The following BRINP1 variants were observed in gnomAD, a reference collection of about 807,000 sequenced individuals.
BRINP1 encodes the protein BMP/retinoic acid-inducible neural-specific protein 1.
In BRINP1, 17 loss-of-function variants were observed where a neutral mutation model predicts 72.9. The observed-to-expected ratio is 0.23, with a 90% CI of 0.16 to 0.35. The LOEUF (loss-of-function observed/expected upper bound fraction) is 0.35. BRINP1 is among the 10% of genes least tolerant of loss of function. BRINP1 has a pLI of 1.00. For missense variants in BRINP1, 850 were observed against 1,001.6 expected (o/e 0.85, Z 2.04); for synonymous variants, 418 against 378.5 (o/e 1.10, Z -1.21).
intron 2 of BRINP1, among the ~76,000 whole-genome samples, chr9:119,262,903 G>C (rs1013395211): frequency 1.3e-5 from 2 of 152,148 alleles, no homozygotes; most frequent in African/African-American, 4.8e-5. Flanking sequence ...TGGGAGTAAG[G>C]TTTTGTCTCT....
In BRINP1 at chr9:119,313,291, G is replaced by A. The variant is rs1425652257; in HGVS notation, c.65C>T (p.Pro22Leu). 3 of 1,614,112 alleles carry A rather than the reference G, an allele frequency of 1.9e-6. No individual in the cohort carries two copies. Among genetic ancestry groups the A allele is most frequent in the East Asian group, 4.5e-5 (2 of 44,870 alleles). ...TGTCCCAGCTGGTTCCTGGTGGGAG[G>A]GCTGCACTGAGATACGGCCCCATAT... ...LFIWGRISVQ[P>L]SHQEPAGTDQ... The change falls in exon 2 of 8, where the codon CCC (proline) becomes CTC (leucine). Residue 22 changes from proline (P) to leucine (L), a missense_variant. By Grantham distance (98) the Pro-to-Leu change is moderately conservative. Coordinates refer to ENST00000265922, the MANE Select transcript of BRINP1 (RefSeq NM_014618.3).
intron 7 of BRINP1, among the ~76,000 whole-genome samples, chr9:119,191,870 C>T (rs1434676278): frequency 6.6e-6 from 1 of 151,738 alleles, no homozygotes; most frequent in African/African-American, 2.4e-5. Flanking sequence ...TTACAGTGAT[C>T]AAAACAATAT....
chr9:119,218,418 C>T (rs1830003643), intron 5 of BRINP1, among the ~76,000 whole-genome samples: 1 of 151,968 alleles, frequency 6.6e-6, no homozygotes, highest in South Asian at 2.1e-4. Context: ...GCTGGGATTA[C>T]AGGCATAAGC....
intron 6 of BRINP1, among the ~76,000 whole-genome samples, chr9:119,210,410 C>G (rs1387144944): frequency 1.3e-5 from 2 of 152,154 alleles, no homozygotes; most frequent in Non-Finnish European, 2.9e-5. Flanking sequence ...TGACAGGCAC[C>G]AGGCACAGTC....
At chr9:119,177,285 T>C (rs1403744133) in intron 7 of BRINP1, among the ~76,000 whole-genome samples, 1 of 152,114 alleles carries the variant, frequency 6.6e-6, no homozygotes, top group Non-Finnish European at 1.5e-5. Flanking sequence ...ACCAATCCTA[T>C]TACAGCCTGG....
intron 1 of BRINP1, among the ~76,000 whole-genome samples, chr9:119,321,663 C>T (rs1215050431): frequency 6.6e-6 from 1 of 151,824 alleles, no homozygotes; most frequent in Non-Finnish European, 1.5e-5. Flanking sequence ...TTTGTAGAGA[C>T]TAATTTTATT....
intron 5 of BRINP1, among the ~76,000 whole-genome samples, chr9:119,225,709 T>C (rs143217563): frequency 3.2e-4 from 49 of 152,056 alleles, no homozygotes; most frequent in Admixed American, 1.2e-3. Context: ...TTAGTAGTTA[T>C]CAGGGGCTGA....
intron 1 of BRINP1, among the ~76,000 whole-genome samples, chr9:119,335,160 T>A (rs746619894): frequency 3.3e-5 from 5 of 152,038 alleles, no homozygotes; most frequent in Non-Finnish European, 7.4e-5. Context: ...TTTACAGAAA[T>A]CCCAGAAGGG....
chr9:119,298,046 C>T (rs1051860752), intron 2 of BRINP1, among the ~76,000 whole-genome samples: 1 of 152,316 alleles, frequency 6.6e-6, no homozygotes, highest in African/African-American at 2.4e-5. Context: ...CAACTATTCT[C>T]GCACATTTAT....
At chr9:119,168,966 G>A (rs1263746283) in intron 7 of BRINP1, among the ~76,000 whole-genome samples, 2 of 152,100 alleles carry the variant, frequency 1.3e-5, no homozygotes, top group Non-Finnish European at 2.9e-5. Flanking sequence ...ATTTGACCCA[G>A]CAATCCCATT....
chr9:119,181,079 C>T (rs1168464968), intron 7 of BRINP1, among the ~76,000 whole-genome samples: 2 of 152,134 alleles, frequency 1.3e-5, no homozygotes, highest in African/African-American at 4.8e-5. Context: ...CAGCATTTTG[C>T]TTTGGGGCAT....
chr9:119,247,525 G>A (rs1022588586), intron 3 of BRINP1, among the ~76,000 whole-genome samples: 4 of 151,996 alleles, frequency 2.6e-5, no homozygotes, highest in Non-Finnish European at 5.9e-5. Flanking sequence ...CATGGTGGTG[G>A]GCGCCTGTAG....
chr9:119,262,569 C>T (rs555036566), intron 2 of BRINP1, among the ~76,000 whole-genome samples: 50 of 151,386 alleles, frequency 3.3e-4, no homozygotes, highest in African/African-American at 1.2e-3. Flanking sequence ...TTGCTTGAAC[C>T]CGGGAGGCAG....
At chr9:119,172,881 C>CACATGATTATCTCCATA (rs1475866710) in intron 7 of BRINP1, among the ~76,000 whole-genome samples, 1 of 147,930 alleles carries the variant, frequency 6.8e-6, no homozygotes, top group Non-Finnish European at 1.5e-5. Flanking sequence ...AGACAAAAAC[C>CACATGATTATCTCCATA]ACATGATTAT....
At chr9:119,297,024 C>CA (rs1305663535) in intron 2 of BRINP1, among the ~76,000 whole-genome samples, 6 of 151,832 alleles carry the variant, frequency 4.0e-5, no homozygotes, top group African/African-American at 1.5e-4. Flanking sequence ...GTTCTCATCA[C>CA]AAAAAAAGAG....
intron 2 of BRINP1, among the ~76,000 whole-genome samples, chr9:119,286,262 T>C (rs1830759904): frequency 1.3e-5 from 2 of 151,756 alleles, no homozygotes; most frequent in Non-Finnish European, 2.9e-5. Flanking sequence ...AGACGGAGTC[T>C]TGCTCTGTCG....
At chr9:119,241,891 T>C (rs1467726877) in intron 4 of BRINP1, among the ~76,000 whole-genome samples, 156 bp downstream of exon 4, 1 of 152,132 alleles carries the variant, frequency 6.6e-6, no homozygotes, top group East Asian at 1.9e-4. Context: ...AATTACAGGG[T>C]ATGTGACAAT....
At chr9:119,205,401 G>A (rs1829843476) in intron 7 of BRINP1, among the ~76,000 whole-genome samples, 1 of 152,112 alleles carries the variant, frequency 6.6e-6, no homozygotes, top group African/African-American at 2.4e-5. Flanking sequence ...AGGAGAGACG[G>A]CAACACTGTG....
chr9:119,218,759 T>TC (rs1272573929), intron 5 of BRINP1, among the ~76,000 whole-genome samples: 2 of 151,210 alleles, frequency 1.3e-5, no homozygotes, highest in Non-Finnish European at 2.9e-5. Flanking sequence ...TTTTTTTTTT[T>TC]TTTTTGGCTA....
Sources: gnomAD v4.1 joint callset for allele counts (sites outside exome capture counted in the v4.1 genomes callset) on GRCh38, gnomAD v4.1.1 for gene constraint, MANE v1.5 for transcripts, NCBI Gene and HGNC (gene_info 2026-07-23, HGNC 2026-07-21) for gene names.